NRG1: variants seen among roughly 807,000 people sequenced by gnomAD.
NRG1 encodes neuregulin 1, also known as pro-neuregulin-1, membrane-bound isoform.
In NRG1, 18 loss-of-function variants were observed where a neutral mutation model predicts 63.8. That is an observed-to-expected ratio of 0.28 (90% CI 0.19 to 0.42). NRG1 has a LOEUF of 0.42. Ranked by LOEUF, NRG1 falls within the 10% of genes least tolerant of loss-of-function variation. NRG1 has a pLI of 1.00. For synonymous variants in NRG1, 302 were observed against 301.3 expected, an observed-to-expected ratio of 1.00 and a Z score of -0.02; for missense variants, 762 against 814.7, an observed-to-expected ratio of 0.94 and a Z score of 0.79.
At chr8:32,673,658 GA>G (rs1248619716) in intron 5 of NRG1, among the ~76,000 whole-genome samples, 1 of 152,138 alleles carries the variant, frequency 6.6e-6, no homozygotes, top group Non-Finnish European at 1.5e-5. Context: ...CTTATCTAGA[GA>G]TAGTAAGTCA....
intron 1 of NRG1, among the ~76,000 whole-genome samples, chr8:32,009,861 C>T (rs1036361372): frequency 6.6e-6 from 1 of 151,972 alleles, no homozygotes; most frequent in Non-Finnish European, 1.5e-5. Flanking sequence ...CCAGTTTATG[C>T]ACTTTCTCTC....
chr8:32,178,369 G>A (rs1488528081), intron 1 of NRG1, among the ~76,000 whole-genome samples: 1 of 152,182 alleles, frequency 6.6e-6, no homozygotes, highest in African/African-American at 2.4e-5. Flanking sequence ...AAGCACTTTG[G>A]GAGGCTGAGG....
intron 1 of NRG1, among the ~76,000 whole-genome samples, chr8:32,435,852 C>T (rs1818722003): frequency 6.6e-6 from 1 of 151,988 alleles, no homozygotes; most frequent in Non-Finnish European, 1.5e-5. Flanking sequence ...TTATGTTTAC[C>T]TGTCATTTAT....
chr8:32,318,994 G>A (rs909567383), intron 1 of NRG1, among the ~76,000 whole-genome samples: 1 of 152,166 alleles, frequency 6.6e-6, no homozygotes, highest in African/African-American at 2.4e-5. Flanking sequence ...CCAGATAGGA[G>A]TGACTGTGCG....
chr8:32,466,678 T>G (rs1183496678), intron 1 of NRG1, among the ~76,000 whole-genome samples: 12 of 152,182 alleles, frequency 7.9e-5, no homozygotes, highest in Admixed American at 7.2e-4. Flanking sequence ...ATTCATTTTA[T>G]TGTAGAACCT....
intron 1 of NRG1, among the ~76,000 whole-genome samples, chr8:31,693,184 G>A (rs778650040): frequency 6.6e-6 from 1 of 152,010 alleles, no homozygotes; most frequent in Non-Finnish European, 1.5e-5. Context: ...TACTGCAAAG[G>A]GATTCCAAAG....
chr8:31,971,695 A>T (rs1807303868), intron 1 of NRG1, among the ~76,000 whole-genome samples: 1 of 152,192 alleles, frequency 6.6e-6, no homozygotes, highest in Non-Finnish European at 1.5e-5. Context: ...AGAAAAAGAA[A>T]AAAACTGATT....
chr8:32,563,139 C>A (rs1836770559), intron 1 of NRG1, among the ~76,000 whole-genome samples: 1 of 152,036 alleles, frequency 6.6e-6, no homozygotes, highest in Admixed American at 6.6e-5. Flanking sequence ...TTATTTTTTC[C>A]AGTTCATCAG....
exon 12 of NRG1, chr8:32,764,369 T>C: frequency 6.2e-7 from 1 of 1,607,708 alleles, no homozygotes; most frequent in Non-Finnish European, 8.5e-7. Flanking sequence ...GGCTGTCTAG[T>C]GTAATTGCTA....
intron 5 of NRG1, among the ~76,000 whole-genome samples, chr8:32,641,850 A>G (rs1852455514): frequency 6.6e-6 from 1 of 152,228 alleles, no homozygotes; most frequent in Admixed American, 6.5e-5. Context: ...AGGAAGGTAA[A>G]ATGAGTTTCA....
intron 1 of NRG1, among the ~76,000 whole-genome samples, chr8:32,581,984 G>A (rs896939987): frequency 3.3e-5 from 5 of 152,050 alleles, no homozygotes; most frequent in Admixed American, 1.3e-4. Flanking sequence ...AGTCTAAGAA[G>A]TGCCATCTGG....
intron 1 of NRG1, among the ~76,000 whole-genome samples, chr8:31,742,069 A>G (rs1369987556): frequency 6.6e-6 from 1 of 152,044 alleles, no homozygotes; most frequent in African/African-American, 2.4e-5. Context: ...TCAAAACCAA[A>G]ATGCTAAGAG....
intron 1 of NRG1, among the ~76,000 whole-genome samples, chr8:32,466,665 C>T (rs994704035): frequency 7.2e-5 from 11 of 151,944 alleles, no homozygotes; most frequent in African/African-American, 2.4e-4. Context: ...ATGTGCTATC[C>T]CCATTCATTT....
At chr8:32,494,521 A>T (rs1029763829) in intron 1 of NRG1, among the ~76,000 whole-genome samples, 1 of 152,060 alleles carries the variant, frequency 6.6e-6, no homozygotes, top group African/African-American at 2.4e-5. Context: ...CACTCGGGGG[A>T]GGGGATCAAA....
intron 1 of NRG1, among the ~76,000 whole-genome samples, chr8:31,641,144 C>A (rs1803734146): frequency 6.6e-6 from 1 of 152,036 alleles, no homozygotes; most frequent in Admixed American, 6.5e-5. Context: ...CACTTGGAGT[C>A]CAGAGTGTGG....
chr8:31,987,939 T>G (rs1810378742), intron 1 of NRG1, among the ~76,000 whole-genome samples: 1 of 152,256 alleles, frequency 6.6e-6, no homozygotes, highest in South Asian at 2.1e-4. Context: ...TAAAGGATTA[T>G]GCTGTGATCT....
At chr8:32,472,153 A>T (rs1396607797) in intron 1 of NRG1, among the ~76,000 whole-genome samples, 1 of 151,814 alleles carries the variant, frequency 6.6e-6, no homozygotes, top group Non-Finnish European at 1.5e-5. Context: ...ACTTCCAAAG[A>T]CTCTGACCCT....
chr8:31,949,480 A>T (rs1014924056), intron 1 of NRG1, among the ~76,000 whole-genome samples: 10 of 152,218 alleles, frequency 6.6e-5, no homozygotes, highest in Admixed American at 6.5e-4. Context: ...TGTCCAATAC[A>T]GTATTTTTGT....
intron 1 of NRG1, among the ~76,000 whole-genome samples, chr8:32,312,740 C>T (rs993333976): frequency 4.6e-5 from 7 of 152,064 alleles, no homozygotes; most frequent in African/African-American, 1.7e-4. Flanking sequence ...TACCAACCTC[C>T]CGGGAATGAA....
Sources: gnomAD v4.1 joint callset for allele counts (sites outside exome capture counted in the v4.1 genomes callset) on GRCh38, gnomAD v4.1.1 for gene constraint, MANE v1.5 for transcripts, NCBI Gene and HGNC (gene_info 2026-07-23, HGNC 2026-07-21) for gene names.